NRP2: variants seen among roughly 807,000 people sequenced by gnomAD.
NRP2 encodes neuropilin-2.
Under a neutral mutation model 110.4 loss-of-function variants are expected in NRP2, and 52 were observed. The observed-to-expected ratio is 0.47, with a 90% CI of 0.38 to 0.59. The LOEUF (loss-of-function observed/expected upper bound fraction) is 0.59. NRP2 is among the 20% of genes least tolerant of loss of function. The pLI is 0.00. For synonymous variants in NRP2, 508 were observed against 468.9 expected (o/e 1.08, Z -1.08); for missense variants, 1,049 against 1,203.0 (o/e 0.87, Z 1.89).
Position 205,686,052 on chromosome 2 carries a change from C to A in NRP2, c.73+2689C>A, listed in dbSNP as rs1325078550. On this transcript the variant is annotated intron_variant, in intron 1 of 16. Coordinates refer to ENST00000357785, the MANE Select transcript of NRP2 (RefSeq NM_003872.3). The surrounding 1 kb of genome is among the most constrained non-coding windows in gnomAD (Gnocchi z 4.7). ...CCTAGCCCTCCCTCCCCTTCCCCGC[C>A]CCCCAGCGCCTTCTCTAACGCCGCA... 6.6e-6 allele frequency among the ~76,000 whole-genome samples: 1 copy of A among 152,164 alleles called. No individual in the cohort carries two copies. Among genetic ancestry groups the A allele is most frequent in the East Asian group, 1.9e-4 (1 of 5,178 alleles).
chr2:205,695,754 G>A (rs2056410873), intron 1 of NRP2, among the ~76,000 whole-genome samples: 1 of 152,116 alleles, frequency 6.6e-6, no homozygotes, highest in African/African-American at 2.4e-5. Flanking sequence ...CTTCTCAGAG[G>A]ACCACTCCAC....
At position 205,795,683 on chromosome 2, in the gene NRP2, T is replaced by G. The variant is rs2058346200; in HGVS notation, c.*625T>G. ...GTCCTAGCATTTAAGTAGGATGTTG[T>G]TGCCTTTAACTTTTCTTATCCAGGG... On this transcript the variant is annotated 3_prime_UTR_variant, in exon 17 of 17. Coordinates refer to ENST00000357785, the MANE Select transcript of NRP2 (RefSeq NM_003872.3). 6.6e-6 allele frequency: 1 copy of G among 152,662 alleles called. No homozygotes were observed. The highest frequency in any genetic ancestry group is 1.5e-5 in the Non-Finnish European group (1 of 68,050). 9.5% of individuals were successfully genotyped at this position (152,662 alleles called of 1,614,324 possible). A position where few individuals can be genotyped will look rare whatever the true frequency, so the allele number is the denominator to read the frequency against.
chr2:205,703,610 G>A (rs544944130), intron 2 of NRP2, among the ~76,000 whole-genome samples: 12 of 152,172 alleles, frequency 7.9e-5, no homozygotes, highest in South Asian at 4.1e-4. Context: ...GACCTGTTAC[G>A]TGGGCCCACA....
chr2:205,746,421 G>C (rs2057540021), intron 10 of NRP2, among the ~76,000 whole-genome samples: 1 of 152,208 alleles, frequency 6.6e-6, no homozygotes, highest in Admixed American at 6.5e-5. Context: ...CTGCCAGGTG[G>C]CCCAGGCCTT....
At chr2:205,747,112 A>T (rs2057552502) in intron 10 of NRP2, among the ~76,000 whole-genome samples, 1 of 152,204 alleles carries the variant, frequency 6.6e-6, no homozygotes, top group Non-Finnish European at 1.5e-5. Context: ...TCAGCGCTGT[A>T]GGGGATCCAG....
At chr2:205,760,427 G>A (rs1575642858) in intron 12 of NRP2, among the ~76,000 whole-genome samples, 1 of 152,318 alleles carries the variant, frequency 6.6e-6, no homozygotes, top group South Asian at 2.1e-4. Flanking sequence ...ATTTAACGAA[G>A]TGAAATCCAG....
intron 6 of NRP2, among the ~76,000 whole-genome samples, chr2:205,726,339 G>A (rs576093153): frequency 6.6e-6 from 1 of 152,348 alleles, no homozygotes; most frequent in Non-Finnish European, 1.5e-5. Flanking sequence ...CCAGGATGCT[G>A]TTTGCCCTAT....
At position 205,771,950 on chromosome 2, in the gene NRP2, T is replaced by C. The variant is rs187528007; in HGVS notation, c.2425+5147T>C. Reference sequence around the variant, plus strand: ...CAGGCAGTGGGCTGGATTTGGCCAATAGGCCACAGTGAGCTGACCCCTGGG... The same window carrying C: ...CAGGCAGTGGGCTGGATTTGGCCAACAGGCCACAGTGAGCTGACCCCTGGG... On this transcript the variant is annotated intron_variant, in intron 15 of 16. Transcript: ENST00000357785. Among the ~76,000 whole-genome samples the C allele has an allele frequency of 9.1e-4, 138 of 152,348 alleles. 1 individual carries two copies. The highest frequency in any genetic ancestry group is 3.1e-3 in the Admixed American group (47 of 15,302).
intron 2 of NRP2, among the ~76,000 whole-genome samples, chr2:205,702,665 A>G (rs1289229436): frequency 6.6e-6 from 1 of 152,250 alleles, no homozygotes; most frequent in Non-Finnish European, 1.5e-5. Flanking sequence ...GCAGTTTCCC[A>G]GTTGATAACC....
In NRP2 at chr2:205,784,867, G is replaced by A. The variant is rs191439374; in HGVS notation, c.2426-7368G>A. ...GGTCAGATTCCTTCACACAAATGCCGCATGGCTACTTCCTCCAATAATTGC... is the reference window on the plus strand; with the variant it reads ...GGTCAGATTCCTTCACACAAATGCCACATGGCTACTTCCTCCAATAATTGC... On this transcript the variant is annotated intron_variant, in intron 15 of 16. Coordinates refer to ENST00000357785, the MANE Select transcript of NRP2 (RefSeq NM_003872.3). Among the ~76,000 whole-genome samples the A allele has an allele frequency of 3.5e-4, 54 of 152,242 alleles. 2 individuals are homozygous for A. Among genetic ancestry groups the A allele is most frequent in the Admixed American group, 2.4e-3 (36 of 15,302 alleles).
intron 15 of NRP2, among the ~76,000 whole-genome samples, chr2:205,786,192 GACCTTCAGCCAATACTAAATATTA>G (rs890386845): frequency 6.6e-6 from 1 of 152,210 alleles, no homozygotes; most frequent in African/African-American, 2.4e-5. Context: ...GGGGAAGGCG[GACCTTCAGCCAATACTAAATATTA>G]AACTGAATTA....
chr2:205,759,942 T>C (rs1490930411), intron 12 of NRP2, among the ~76,000 whole-genome samples: 2 of 152,226 alleles, frequency 1.3e-5, no homozygotes. Context: ...ATGGAAAGAC[T>C]GAGGCTTTAA....
At chr2:205,793,314 C>T (rs928736531) in intron 16 of NRP2, among the ~76,000 whole-genome samples, 1 of 152,306 alleles carries the variant, frequency 6.6e-6, no homozygotes, top group African/African-American at 2.4e-5. Flanking sequence ...GAGTGAGTTA[C>T]CTAGTTGCCT....
intron 1 of NRP2, among the ~76,000 whole-genome samples, chr2:205,695,306 T>A (rs1286813466): frequency 1.3e-5 from 2 of 152,186 alleles, no homozygotes; most frequent in Non-Finnish European, 2.9e-5. Context: ...TTTTGTGTGG[T>A]GGTGGTGAAG....
chr2:205,713,417 A>T (rs1443091989), intron 2 of NRP2, among the ~76,000 whole-genome samples: 1 of 152,200 alleles, frequency 6.6e-6, no homozygotes, highest in Non-Finnish European at 1.5e-5. Context: ...ATGGATGATG[A>T]TGGTGATGAT....
At chr2:205,694,714 T>C (rs1297348226) in intron 1 of NRP2, among the ~76,000 whole-genome samples, 1 of 152,226 alleles carries the variant, frequency 6.6e-6, no homozygotes, top group African/African-American at 2.4e-5. Flanking sequence ...ATGGATGGTA[T>C]AGCTCTTCAG....
rs2058338766 is a variant in NRP2, at chr2:205,794,913, C to T, written c.2636C>T (p.Ala879Val). Reference protein sequence around the residue: ...SLGVLLGATCAGLLLYCTCSY... With the variant: ...SLGVLLGATCVGLLLYCTCSY... Reference sequence around the variant, plus strand: ...GGCGTCCTCCTGGGGGCCACCTGTGCAGGCCTCCTGCTCTACTGCACCTGT... The same window carrying T: ...GGCGTCCTCCTGGGGGCCACCTGTGTAGGCCTCCTGCTCTACTGCACCTGT... The change falls in exon 17 of 17, where the codon GCA becomes GTA. Residue 879 changes from alanine (A) to valine (V), a missense_variant. Physicochemically the swap from Ala to Val is moderately conservative, Grantham distance 64. Transcript: ENST00000357785. The T allele has an allele frequency of 6.2e-7, 1 of 1,614,170 alleles. No homozygotes were observed.
At chr2:205,780,059 A>T (rs1430365143) in intron 15 of NRP2, among the ~76,000 whole-genome samples, 1 of 152,196 alleles carries the variant, frequency 6.6e-6, no homozygotes, top group Non-Finnish European at 1.5e-5. Context: ...GGGCTCCGGG[A>T]GAGTGGTACC....
At chr2:205,771,534 T>C (rs1372869299) in intron 15 of NRP2, among the ~76,000 whole-genome samples, 1 of 152,238 alleles carries the variant, frequency 6.6e-6, no homozygotes, top group East Asian at 1.9e-4. Flanking sequence ...AGGCTTACCC[T>C]TGGTGTCTTT....
Sources: gnomAD v4.1 joint callset for allele counts (sites outside exome capture counted in the v4.1 genomes callset) on GRCh38, gnomAD v4.1.1 for gene constraint, Gnocchi (gnomAD v3.1) non-coding constraint, MANE v1.5 for transcripts, NCBI Gene and HGNC (gene_info 2026-07-23, HGNC 2026-07-21) for gene names.